The following PVT1 variants were observed in gnomAD, a reference collection of about 807,000 sequenced individuals.
PVT1 encodes the protein Pvt1 oncogene.
chr8:127,991,131 CTTTTCTTTCTTTTTTTTTTTTT>C (rs1159186861), intron 4 of PVT1, among the ~76,000 whole-genome samples: 2 of 128,974 alleles, frequency 1.6e-5, no homozygotes, highest in African/African-American at 6.1e-5. Flanking sequence ...TCTTTTTTTT[CTTTTCTTTCTTTTTTTTTTTTT>C]TTTTTTTGAG....
chr8:127,942,382 C>T (rs931421510), intron 3 of PVT1, among the ~76,000 whole-genome samples: 2 of 152,162 alleles, frequency 1.3e-5, no homozygotes, highest in African/African-American at 4.8e-5. Context: ...TTCTTGTTGA[C>T]CCATAGCCAC....
At chr8:128,029,708 A>C (rs1019928423) in intron 4 of PVT1, among the ~76,000 whole-genome samples, 2 of 152,160 alleles carry the variant, frequency 1.3e-5, no homozygotes, top group African/African-American at 4.8e-5. Flanking sequence ...CTGAGGCAGG[A>C]GAATCACTTG....
chr8:127,909,527 A>G lies in PVT1; in HGVS notation n.782+18529A>G, dbSNP rs185316810. 7.2e-5 allele frequency among the ~76,000 whole-genome samples: 11 copies of G among 152,346 alleles called. No individual in the cohort carries two copies. The East Asian group carries it at 1.9e-3, about 27-fold the overall frequency. ...AGCGCTTGCTTCAGGGGATTGTTTC[A>G]AGGATCAGTTGAAATAGTGCACACC... is the stretch of plus-strand genomic sequence containing the variant. On this transcript the variant is annotated intron_variant and non_coding_transcript_variant, in intron 3 of 10. Transcript: ENST00000651587.
intron 4 of PVT1, among the ~76,000 whole-genome samples, chr8:128,058,378 A>ATGTGTGTGTGTGTGTG (rs3041914): frequency 1.4e-5 from 2 of 146,578 alleles, no homozygotes; most frequent in African/African-American, 5.0e-5. Flanking sequence ...AAACTGATGC[A>ATGTGTGTGTGTGTGTG]TGTGTGTGTG....
chr8:128,029,300 T>C (rs1008273273), intron 4 of PVT1, among the ~76,000 whole-genome samples: 2 of 151,098 alleles, frequency 1.3e-5, no homozygotes, highest in Non-Finnish European at 3.0e-5. Context: ...TTTTTTGACT[T>C]TTTTTTTGCA....
At chr8:127,978,826 T>G (rs1373565718) in intron 3 of PVT1, among the ~76,000 whole-genome samples, 1 of 152,184 alleles carries the variant, frequency 6.6e-6, no homozygotes, top group Non-Finnish European at 1.5e-5. Context: ...GGTTTTGCTT[T>G]GTTGCCTAGG....
intron 2 of PVT1, among the ~76,000 whole-genome samples, chr8:127,820,006 A>T (rs1223193036): frequency 4.6e-5 from 7 of 152,174 alleles, no homozygotes; most frequent in Non-Finnish European, 1.0e-4. Flanking sequence ...GGTGAGGTCA[A>T]GCATTTGGAG....
intron 3 of PVT1, among the ~76,000 whole-genome samples, chr8:127,943,296 C>T (rs61670934): frequency 0.039 from 5,933 of 152,286 alleles, 391 homozygotes; most frequent in African/African-American, 0.13. Flanking sequence ...TCAATTCCAG[C>T]CCAGCCCTTT....
chr8:128,078,641 C>CTA (rs200843189), intron 5 of PVT1, among the ~76,000 whole-genome samples: 5 of 151,896 alleles, frequency 3.3e-5, no homozygotes, highest in East Asian at 3.9e-4. Flanking sequence ...GAATCGTAGA[C>CTA]TATATATATA....
chr8:127,824,203 T>C (rs1379775368), intron 2 of PVT1, among the ~76,000 whole-genome samples: 1 of 152,178 alleles, frequency 6.6e-6, no homozygotes, highest in Non-Finnish European at 1.5e-5. Flanking sequence ...CTATCTGGCT[T>C]CATCCTAAGA....
rs28758343 is a variant in PVT1 at position 127,933,505 on chromosome 8, A to G, written n.782+42507A>G. Among the ~76,000 whole-genome samples the G allele has an allele frequency of 9.2e-3, 1,398 of 152,320 alleles. 16 individuals are homozygous for G. The highest frequency in any genetic ancestry group is 0.032 in the African/African-American group (1,317 of 41,552). ...CACAAACCTGCGGGTATAGGTGGGT[A>G]TAGTTTCTTAATGTGCACACCATCG... is the stretch of plus-strand genomic sequence containing the variant. On this transcript the variant is annotated intron_variant and non_coding_transcript_variant, in intron 3 of 10. Transcript: ENST00000651587.
intron 3 of PVT1, among the ~76,000 whole-genome samples, chr8:127,930,737 G>A (rs1044175024): frequency 5.3e-5 from 8 of 152,106 alleles, no homozygotes; most frequent in South Asian, 2.1e-4. Context: ...GTCTGTCTGT[G>A]TAGAGCAGTG....
Position 127,812,712 on chromosome 8 carries a change from G to C in PVT1, n.372+16641G>C, listed in dbSNP as rs545279516. On this transcript the variant is annotated intron_variant and non_coding_transcript_variant, in intron 2 of 10. Transcript: ENST00000651587. The stretch of plus-strand genomic sequence containing the variant: ...AAATGGAAGGAAGGGAGGGAAGGAG[G>C]GAAGAAAAGAAAGAAGGAAGGAAAA... 2.0e-5 allele frequency among the ~76,000 whole-genome samples: 3 copies of C among 150,694 alleles called. No individual in the cohort carries two copies. The Admixed American group carries it at 2.0e-4, about 10-fold the overall frequency.
chr8:127,978,362 G>T (rs1383215197), intron 3 of PVT1, among the ~76,000 whole-genome samples: 1 of 151,884 alleles, frequency 6.6e-6, no homozygotes, highest in African/African-American at 2.4e-5. Context: ...ATCTCACTAT[G>T]TTGCCCAGGC....
intron 4 of PVT1, among the ~76,000 whole-genome samples, chr8:128,013,250 G>T (rs1287512072): frequency 6.6e-6 from 1 of 152,120 alleles, no homozygotes; most frequent in African/African-American, 2.4e-5. Context: ...TTATAAGTCT[G>T]TTGTGAGCAT....
At chr8:127,924,747 G>A (rs888211157) in intron 3 of PVT1, among the ~76,000 whole-genome samples, 2 of 152,022 alleles carry the variant, frequency 1.3e-5, no homozygotes, top group Admixed American at 6.6e-5. Context: ...TCCTGACCTC[G>A]TGATCCGCCC....
intron 3 of PVT1, among the ~76,000 whole-genome samples, chr8:127,891,296 A>G (rs1405031293): frequency 6.6e-6 from 1 of 152,216 alleles, no homozygotes; most frequent in Non-Finnish European, 1.5e-5. Flanking sequence ...GGCATTTGGC[A>G]CAGTCTCTCA....
At chr8:127,813,158 G>GTATATAATATATACAAATA (rs1251268670) in intron 2 of PVT1, among the ~76,000 whole-genome samples, 3 of 127,834 alleles carry the variant, frequency 2.3e-5, no homozygotes, top group East Asian at 2.2e-4. Context: ...AAAAATATAT[G>GTATATAATATATACAAATA]TATATAATAT....
intron 2 of PVT1, among the ~76,000 whole-genome samples, chr8:127,877,839 T>C (rs1815422055): frequency 1.3e-5 from 2 of 151,986 alleles, no homozygotes; most frequent in Non-Finnish European, 2.9e-5. Flanking sequence ...GGTGGGAGAA[T>C]TGCTTGAGCC....
Sources: gnomAD v4.1 joint callset for allele counts (sites outside exome capture counted in the v4.1 genomes callset) on GRCh38, gnomAD v4.1.1 for gene constraint, MANE v1.5 for transcripts, NCBI Gene and HGNC (gene_info 2026-07-23, HGNC 2026-07-21) for gene names.